RYR2: variants seen among roughly 807,000 people sequenced by gnomAD.
RYR2 encodes the protein ryanodine receptor 2.
In RYR2, 227 loss-of-function variants were observed where a neutral mutation model predicts 601.1. That is an observed-to-expected ratio of 0.38 (90% confidence interval 0.34 to 0.42). The LOEUF (loss-of-function observed/expected upper bound fraction) is 0.42, where lower values mean the gene tolerates loss of function less well. RYR2 is among the 10% of genes least tolerant of loss of function. RYR2 has a pLI of 1.00. For missense variants in RYR2, 4,646 were observed against 6,156.5 expected (o/e 0.75, Z 8.21); for synonymous variants, 2,223 against 2,175.1 (o/e 1.02, Z -0.61).
At chr1:237,721,828 C>T (rs1165710881) in intron 73 of RYR2, among the ~76,000 whole-genome samples, 1 of 152,086 alleles carries the variant, frequency 6.6e-6, no homozygotes, top group African/African-American at 2.4e-5. Flanking sequence ...CTGCTTTGTC[C>T]ATTTTTAATA....
rs1239685781 is a variant in RYR2, at chr1:237,220,411, C to T, written c.49-50086C>T. On this transcript the variant is annotated intron_variant, in intron 1 of 104. Coordinates refer to ENST00000366574, the MANE Select transcript of RYR2 (RefSeq NM_001035.3). ...CTGACCGGTGGTGTGCTGTTGGCTG[C>T]CTTGCTTCTGAGGCTGCCAGATTTA... Among the ~76,000 whole-genome samples the T allele has an allele frequency of 2.0e-5, 3 of 152,138 alleles. 1 individual carries two copies. The highest frequency in any genetic ancestry group is 2.0e-4 in the Admixed American group (3 of 15,260).
At chr1:237,047,996 A>C (rs1263844868) in intron 1 of RYR2, among the ~76,000 whole-genome samples, 5 of 152,156 alleles carry the variant, frequency 3.3e-5, no homozygotes, top group African/African-American at 1.2e-4. Flanking sequence ...GGAGAAACCC[A>C]CCGTAGATTC....
chr1:237,048,019 C>T (rs1157919001), intron 1 of RYR2, among the ~76,000 whole-genome samples: 2 of 152,208 alleles, frequency 1.3e-5, no homozygotes, highest in African/African-American at 4.8e-5. Flanking sequence ...CAGCCCTGGG[C>T]CTTCACTTCA....
At chr1:237,279,892 T>G (rs559235287) in intron 2 of RYR2, among the ~76,000 whole-genome samples, 7 of 152,336 alleles carry the variant, frequency 4.6e-5, no homozygotes, top group African/African-American at 1.7e-4. Flanking sequence ...ATCCAATATT[T>G]CAATTATTCT....
chr1:237,508,971 T>C (rs1665593243), intron 23 of RYR2, among the ~76,000 whole-genome samples: 1 of 151,888 alleles, frequency 6.6e-6, no homozygotes, highest in African/African-American at 2.4e-5. Flanking sequence ...TTCGATCTCC[T>C]GACCTCGTGA....
Position 237,493,164 on chromosome 1 carries a change from A to G in RYR2, c.1961+77A>G, listed in dbSNP as rs1663603463. On this transcript the variant is annotated intron_variant, in intron 19 of 104. Transcript: ENST00000366574. ...ATGTTCTTGCCCTGTAGCTGATACT[A>G]TATGGTCTGTTTTTTAAATTAGACC... 54 of 1,520,848 alleles carry G rather than the reference A, an allele frequency of 3.6e-5. No individual in the cohort carries two copies. In the South Asian group the frequency reaches 5.4e-4, roughly 15 times the overall value. The allele number at this position is 1,520,848 out of a possible 1,614,324, so 94.2% of individuals were successfully genotyped here. A position where few individuals can be genotyped will look rare whatever the true frequency, so the allele number is the denominator to read the frequency against.
Position 237,819,207 on chromosome 1 carries a change from C to T in RYR2, c.14590+15C>T, listed in dbSNP as rs2102826245. ...CATAATACAAGGTAAGTATCCTCCTCACTGAAGCTGATGAACATCTAGAAT... is the reference window on the plus strand; with the variant it reads ...CATAATACAAGGTAAGTATCCTCCTTACTGAAGCTGATGAACATCTAGAAT... On this transcript the variant is annotated intron_variant, in intron 101 of 104. Coordinates refer to ENST00000366574, the MANE Select transcript of RYR2 (RefSeq NM_001035.3). The surrounding 1 kb of genome is among the most constrained non-coding windows in gnomAD (Gnocchi z 4.0). 1 of 1,606,402 alleles carries T rather than the reference C, an allele frequency of 6.2e-7. No homozygotes were observed. The highest frequency in any genetic ancestry group is 8.5e-7 in the Non-Finnish European group (1 of 1,173,774).
rs1681772696 is a variant in RYR2, at chr1:237,643,359, A to G, written c.7254A>G (p.Arg2418=). Residue 2418 remains arginine, a synonymous_variant, in exon 48 of 105, where the codon AGA becomes AGG. Transcript: ENST00000366574. ...ATGCCGGGAAGGGAGAAGCCATCAGAATTAGGTCCATTTTGAGATCCCTCA... is the reference window on the plus strand; with the variant it reads ...ATGCCGGGAAGGGAGAAGCCATCAGGATTAGGTCCATTTTGAGATCCCTCA... ...LIHAGKGEAI[R]IRSILRSLIP... The G allele has an allele frequency of 6.2e-7, 1 of 1,613,848 alleles. No homozygotes were observed. The highest frequency in any genetic ancestry group is 2.2e-5 in the East Asian group (1 of 44,860).
At chr1:237,630,434 A>T (rs1010980654) in intron 41 of RYR2, among the ~76,000 whole-genome samples, 12 of 152,152 alleles carry the variant, frequency 7.9e-5, no homozygotes, top group African/African-American at 2.7e-4. Context: ...TATGCTATCT[A>T]AAAGCCCTGT....
At chr1:237,506,923 T>G (rs1665323604) in intron 23 of RYR2, 109 bp downstream of exon 23, 1 of 941,500 alleles carries the variant, frequency 1.1e-6, no homozygotes, top group Non-Finnish European at 1.7e-6. Flanking sequence ...TTAGTTGGAT[T>G]GATTTTTTTC....
chr1:237,735,562 A>T (rs906472270), intron 79 of RYR2, among the ~76,000 whole-genome samples: 6 of 152,150 alleles, frequency 3.9e-5, no homozygotes, highest in African/African-American at 1.4e-4. Context: ...TTTCTAATTT[A>T]TTTTAAACTC....
intron 40 of RYR2, 61 bp from the exon 41 acceptor site, chr1:237,627,746 T>C: frequency 6.8e-7 from 1 of 1,467,670 alleles, no homozygotes; most frequent in South Asian, 1.4e-5. Flanking sequence ...GGACTTGAAA[T>C]GTCCAACTGA....
chr1:237,203,568 T>C (rs1681437367), intron 1 of RYR2, among the ~76,000 whole-genome samples: 1 of 152,212 alleles, frequency 6.6e-6, no homozygotes, highest in Non-Finnish European at 1.5e-5. Context: ...CCAATGGATA[T>C]TCATAGCAGT....
intron 56 of RYR2, among the ~76,000 whole-genome samples, chr1:237,665,571 G>C (rs998646646): frequency 6.6e-6 from 1 of 152,190 alleles, no homozygotes; most frequent in East Asian, 1.9e-4. Context: ...AAAAACAGCA[G>C]TGAGGTACAG....
chr1:237,483,851 A>C (rs933231121), intron 17 of RYR2, among the ~76,000 whole-genome samples: 1 of 152,228 alleles, frequency 6.6e-6, no homozygotes, highest in Admixed American at 6.5e-5. Context: ...GGTTCTGACC[A>C]AAAAAGCTCT....
At chr1:237,282,376 C>T (rs1223769034) in intron 2 of RYR2, among the ~76,000 whole-genome samples, 1 of 151,888 alleles carries the variant, frequency 6.6e-6, no homozygotes, top group Non-Finnish European at 1.5e-5. Context: ...TTTTCATGTG[C>T]CATAAAATAT....
intron 12 of RYR2, among the ~76,000 whole-genome samples, chr1:237,436,715 T>C (rs1049076654): frequency 2.6e-5 from 4 of 151,666 alleles, no homozygotes; most frequent in Non-Finnish European, 4.4e-5. Flanking sequence ...AAAAACTCCA[T>C]CATCTGAGGA....
At chr1:237,766,268 C>T (rs528064977) in intron 84 of RYR2, among the ~76,000 whole-genome samples, 26 of 152,226 alleles carry the variant, frequency 1.7e-4, no homozygotes, top group South Asian at 8.3e-4. Context: ...GTTAAATGAT[C>T]CACCTAGAAT....
intron 1 of RYR2, among the ~76,000 whole-genome samples, chr1:237,190,518 GTCTC>G (rs1304431453): frequency 1.3e-5 from 2 of 151,986 alleles, no homozygotes; most frequent in Non-Finnish European, 2.9e-5. Flanking sequence ...AGATACAGTT[GTCTC>G]TCTGTGTGTT....
Sources: gnomAD v4.1 joint callset for allele counts (sites outside exome capture counted in the v4.1 genomes callset) on GRCh38, gnomAD v4.1.1 for gene constraint, Gnocchi (gnomAD v3.1) non-coding constraint, MANE v1.5 for transcripts, NCBI Gene and HGNC (gene_info 2026-07-23, HGNC 2026-07-21) for gene names.